Variants in FBXL7 observed in about 807,000 individuals in gnomAD.
FBXL7 encodes the protein F-box and leucine rich repeat protein 7.
In FBXL7, 12 loss-of-function variants were observed where a neutral mutation model predicts 38.3. That is an observed-to-expected ratio of 0.31 (90% confidence interval 0.20 to 0.51). The LOEUF is 0.51. Ranked by LOEUF, FBXL7 falls within the 20% of genes least tolerant of loss-of-function variation. The probability of loss-of-function intolerance (pLI) is 0.98; values close to 1 mark genes in which losing one functional copy is unlikely to be tolerated. For synonymous variants in FBXL7, 297 were observed against 300.9 expected (o/e 0.99, Z 0.13); for missense variants, 567 against 676.4 (o/e 0.84, Z 1.79).
At chr5:15,507,251 G>A (rs2126349692) in intron 1 of FBXL7, among the ~76,000 whole-genome samples, 1 of 152,252 alleles carries the variant, frequency 6.6e-6, no homozygotes, top group East Asian at 1.9e-4. Context: ...GCAAGTCAGA[G>A]TTAAGTGATA....
chr5:15,597,443 G>C (rs955376607), intron 1 of FBXL7, among the ~76,000 whole-genome samples: 1 of 144,870 alleles, frequency 6.9e-6, no homozygotes, highest in Non-Finnish European at 1.5e-5. Flanking sequence ...AGCTTATTCT[G>C]CCTGTCCCAA....
intron 2 of FBXL7, among the ~76,000 whole-genome samples, chr5:15,689,181 G>C (rs1743105133): frequency 6.6e-6 from 1 of 152,064 alleles, no homozygotes; most frequent in African/African-American, 2.4e-5. Flanking sequence ...CACTGACATT[G>C]AGGAGTTTTC....
At chr5:15,740,006 G>T (rs1735854316) in intron 2 of FBXL7, among the ~76,000 whole-genome samples, 1 of 152,120 alleles carries the variant, frequency 6.6e-6, no homozygotes, top group Non-Finnish European at 1.5e-5. Context: ...ATTCCTTTCT[G>T]CATTGTGTAA....
intron 2 of FBXL7, among the ~76,000 whole-genome samples, chr5:15,812,184 G>T (rs891573233): frequency 3.3e-5 from 5 of 152,168 alleles, no homozygotes; most frequent in Admixed American, 6.6e-5. Context: ...CAGGTCCTTT[G>T]TGGGTACATG....
chr5:15,814,132 GT>G (rs1737943320), intron 2 of FBXL7, among the ~76,000 whole-genome samples: 1 of 152,132 alleles, frequency 6.6e-6, no homozygotes, highest in African/African-American at 2.4e-5. Flanking sequence ...GCACACATAT[GT>G]TTATTGCAGC....
rs369090316 is a variant in FBXL7 at position 15,890,780 on chromosome 5, G to A, written c.128-37110G>A. ...GGCTCATCTGAAAATGAAGATCTAC[G>A]TGATTGAAGTCTTGAGATTAGCCCT... On this transcript the variant is annotated intron_variant, in intron 2 of 3. Transcript: ENST00000504595. 7.9e-4 allele frequency among the ~76,000 whole-genome samples: 120 copies of A among 152,242 alleles called. 1 individual carries two copies. Among genetic ancestry groups the A allele is most frequent in the African/African-American group, 2.7e-3 (111 of 41,542 alleles).
intron 3 of FBXL7, among the ~76,000 whole-genome samples, chr5:15,929,449 C>G (rs1263679177): frequency 1.3e-5 from 2 of 152,072 alleles, no homozygotes; most frequent in Non-Finnish European, 2.9e-5. Context: ...CGAGACCCCT[C>G]TCTCCACAAA....
intron 1 of FBXL7, among the ~76,000 whole-genome samples, chr5:15,517,655 A>G (rs1353462677): frequency 2.0e-5 from 3 of 152,156 alleles, no homozygotes; most frequent in South Asian, 2.1e-4. Context: ...GTCTGTGGCA[A>G]ATGTTTAGCA....
chr5:15,758,409 G>T (rs1263076314), intron 2 of FBXL7, among the ~76,000 whole-genome samples: 1 of 151,728 alleles, frequency 6.6e-6, no homozygotes, highest in South Asian at 2.1e-4. Flanking sequence ...TAATGACCCT[G>T]TGACTCAAGT....
At chr5:15,527,625 A>G (rs1323908918) in intron 1 of FBXL7, among the ~76,000 whole-genome samples, 2 of 152,226 alleles carry the variant, frequency 1.3e-5, no homozygotes, top group African/African-American at 2.4e-5. Context: ...GTATAAAACT[A>G]TAATCCCTGT....
At chr5:15,813,962 C>A (rs1423068584) in intron 2 of FBXL7, among the ~76,000 whole-genome samples, 2 of 151,890 alleles carry the variant, frequency 1.3e-5, no homozygotes, top group Non-Finnish European at 2.9e-5. Flanking sequence ...AATAGGAATG[C>A]TTTTACACTG....
intron 1 of FBXL7, among the ~76,000 whole-genome samples, chr5:15,561,903 A>C (rs985468355): frequency 6.6e-6 from 1 of 152,170 alleles, no homozygotes. Flanking sequence ...AAAAGTAATC[A>C]AAACAGTATG....
At position 15,500,566 on chromosome 5, in the gene FBXL7, G is replaced by A; in HGVS notation, c.-111G>A. On this transcript the variant is annotated 5_prime_UTR_variant, in exon 1 of 4. Transcript: ENST00000504595. ...CGGAGGTCGGCCCCGGAGCTTGGGG[G>A]GGATGTGCAGCTAACGGTCCCGTCG... 1.4e-6 allele frequency: 2 copies of A among 1,461,252 alleles called. No individual in the cohort carries two copies. Among genetic ancestry groups the A allele is most frequent in the Non-Finnish European group, 9.6e-7 (1 of 1,041,116 alleles). 90.5% of individuals were successfully genotyped at this position (1,461,252 alleles called of 1,614,324 possible). A position where few individuals can be genotyped will look rare whatever the true frequency, so the allele number is the denominator to read the frequency against.
At chr5:15,622,494 T>C (rs2126529374) in intron 2 of FBXL7, among the ~76,000 whole-genome samples, 1 of 152,206 alleles carries the variant, frequency 6.6e-6, no homozygotes, top group Non-Finnish European at 1.5e-5. Context: ...GTCCAAGTGT[T>C]CTCATTGTTC....
intron 2 of FBXL7, among the ~76,000 whole-genome samples, chr5:15,760,525 A>G (rs1192627144): frequency 1.3e-5 from 2 of 151,936 alleles, no homozygotes; most frequent in Non-Finnish European, 2.9e-5. Flanking sequence ...TCACAGGCTC[A>G]TCATTGCCTA....
intron 2 of FBXL7, among the ~76,000 whole-genome samples, chr5:15,706,949 G>A (rs1044637227): frequency 6.6e-6 from 1 of 151,928 alleles, no homozygotes; most frequent in East Asian, 1.9e-4. Flanking sequence ...CAGAGAAAAG[G>A]GCCTAACTAA....
At chr5:15,538,983 A>C (rs1737663290) in intron 1 of FBXL7, among the ~76,000 whole-genome samples, 1 of 152,196 alleles carries the variant, frequency 6.6e-6, no homozygotes, top group Non-Finnish European at 1.5e-5. Flanking sequence ...GTAGAAGAAA[A>C]AACTTCTAGA....
At chr5:15,698,571 A>G (rs1474012085) in intron 2 of FBXL7, among the ~76,000 whole-genome samples, 2 of 152,214 alleles carry the variant, frequency 1.3e-5, no homozygotes, top group Non-Finnish European at 2.9e-5. Context: ...TTTATTTAAA[A>G]CAGTGATGAT....
chr5:15,643,985 G>A (rs1045429222), intron 2 of FBXL7, among the ~76,000 whole-genome samples: 4 of 152,014 alleles, frequency 2.6e-5, no homozygotes, highest in Middle Eastern at 3.2e-3. Context: ...TTGGCACTTC[G>A]TACTTTCATT....
Sources: gnomAD v4.1 joint callset for allele counts (sites outside exome capture counted in the v4.1 genomes callset) on GRCh38, gnomAD v4.1.1 for gene constraint, MANE v1.5 for transcripts, NCBI Gene and HGNC (gene_info 2026-07-23, HGNC 2026-07-21) for gene names.